The following GSDMA variants were observed in gnomAD, a reference collection of about 807,000 sequenced individuals.
The protein encoded by GSDMA is gasdermin-A.
Under a neutral mutation model 54.3 loss-of-function variants are expected in GSDMA, and 55 were observed. That is an observed-to-expected ratio of 1.01 (90% CI 0.82 to 1.27). The LOEUF (loss-of-function observed/expected upper bound fraction) is 1.27, where lower values mean the gene tolerates loss of function less well. Among genes scored for constraint, GSDMA ranks in the 50% most tolerant of loss-of-function variants. The pLI is 0.00. For synonymous variants in GSDMA, 211 were observed against 224.7 expected (o/e 0.94, Z 0.54); for missense variants, 542 against 542.6 (o/e 1.00, Z 0.01).
At chr17:39,972,740 C>G in intron 7 of GSDMA, 127 bp downstream of exon 7, 1 of 865,878 alleles carries the variant, frequency 1.2e-6, no homozygotes, top group South Asian at 1.5e-5. Context: ...TAATTGTCCC[C>G]GAAACATGGC....
chr17:39,973,034 C>T (rs1294459392), intron 7 of GSDMA, among the ~76,000 whole-genome samples: 4 of 151,982 alleles, frequency 2.6e-5, no homozygotes. Context: ...TGTAGTGGCG[C>T]AATCTCAGTC....
At chr17:39,969,719 T>A (rs1371030009) in intron 3 of GSDMA, among the ~76,000 whole-genome samples, 3 of 152,094 alleles carry the variant, frequency 2.0e-5, no homozygotes, top group African/African-American at 7.2e-5. Flanking sequence ...CCGGGCATGG[T>A]GGCTCACATC....
In GSDMA at chr17:39,971,523, G is replaced by A; in HGVS notation, c.559-1G>A. Reference sequence around the variant, plus strand: ...CACAAATTCTCATTGTCTAATTCTAGGGATCCATAAATCACAAGGAGGCTG... The same window carrying A: ...CACAAATTCTCATTGTCTAATTCTAAGGATCCATAAATCACAAGGAGGCTG... On this transcript the variant is annotated splice_acceptor_variant, in intron 4 of 11. Coordinates refer to ENST00000301659, the MANE Select transcript of GSDMA (RefSeq NM_178171.5). LOFTEE classifies it high-confidence loss of function. The A allele has an allele frequency of 2.5e-6, 4 of 1,610,318 alleles. No homozygotes were observed. Among genetic ancestry groups the A allele is most frequent in the Non-Finnish European group, 3.4e-6 (4 of 1,176,712 alleles).
chr17:39,968,366 G>A (rs372772392), intron 3 of GSDMA, among the ~76,000 whole-genome samples: 361 of 4,332 alleles, frequency 0.083, 3 homozygotes, highest in Middle Eastern at 0.44. Flanking sequence ...TTTTTTTTTT[G>A]AGACGGAGTC....
rs1398767304 is a variant in GSDMA, at chr17:39,965,570, C to T, written c.-5-113C>T. The T allele has an allele frequency of 9.8e-6, 7 of 717,756 alleles. No homozygotes were observed. In the East Asian group the frequency reaches 1.9e-4, roughly 19 times the overall value. 44.5% of individuals were successfully genotyped at this position (717,756 alleles called of 1,614,324 possible). A position where few individuals can be genotyped will look rare whatever the true frequency, so the allele number is the denominator to read the frequency against. On this transcript the variant is annotated intron_variant, in intron 1 of 11. Coordinates refer to ENST00000301659, the MANE Select transcript of GSDMA (RefSeq NM_178171.5). ...GACAATCCAGGCATCTCTAAGAGCT[C>T]CTCCTGCCTCAGAGCCGGGTAAACT...
intron 3 of GSDMA, among the ~76,000 whole-genome samples, chr17:39,969,728 T>G (rs1004115200): frequency 2.0e-5 from 3 of 151,874 alleles, no homozygotes; most frequent in African/African-American, 7.3e-5. Context: ...GTGGCTCACA[T>G]CTGTAATCCC....
At chr17:39,974,196 G>A (rs958641626) in intron 8 of GSDMA, 77 bp from the exon 9 acceptor site, 3 of 1,427,848 alleles carry the variant, frequency 2.1e-6, no homozygotes, top group African/African-American at 2.9e-5. Context: ...CTGAGTGTAG[G>A]AGCCCTGCAG....
At chr17:39,969,839 G>A (rs1354986537) in intron 3 of GSDMA, among the ~76,000 whole-genome samples, 1 of 151,652 alleles carries the variant, frequency 6.6e-6, no homozygotes, top group Non-Finnish European at 1.5e-5. Flanking sequence ...GGGTGACAGA[G>A]TGAGTGAGAC....
rs745780311 is a variant in GSDMA at position 39,975,905 on chromosome 17, C to T, written c.1022-19C>T. 71 of 1,574,938 alleles carry T rather than the reference C, an allele frequency of 4.5e-5. No homozygotes were observed. The highest frequency in any genetic ancestry group is 1.8e-4 in the Admixed American group (10 of 54,672). The stretch of plus-strand genomic sequence containing the variant: ...CTCTGCACCAGCAACACACATCTTT[C>T]TCTGCTTTTTTTCTCCAGAGCTAAG... On this transcript the variant is annotated intron_variant, in intron 10 of 11. Coordinates refer to ENST00000301659, the MANE Select transcript of GSDMA (RefSeq NM_178171.5).
chr17:39,972,103 C>CCCCA, intron 5 of GSDMA, 26 bp from the exon 6 acceptor site: 1 of 728,558 alleles, frequency 1.4e-6, no homozygotes, highest in Non-Finnish European at 2.4e-6. Context: ...AGTGTCCTCC[C>CCCCA]ACCCTCCCTC....
chr17:39,963,412 C>A (rs780589406), intron 1 of GSDMA, among the ~76,000 whole-genome samples: 18 of 152,050 alleles, frequency 1.2e-4, no homozygotes, highest in Non-Finnish European at 1.8e-4. Flanking sequence ...TCCTGCCCCC[C>A]CTGCTGCTGT....
Position 39,974,283 on chromosome 17 carries a change from C to T in GSDMA, c.762C>T (p.His254=), listed in dbSNP as rs766672278. The change falls in exon 9 of 12, where the codon CAC becomes CAT. Residue 254 remains histidine (H), a synonymous_variant. Coordinates refer to ENST00000301659, the MANE Select transcript of GSDMA (RefSeq NM_178171.5). ...LIQASDVGDV[H]EGFRTLKEEV... ...TTATTGTCCCCATAGGGGACGTACA[C>T]GAAGGCTTCAGGACACTAAAAGAAG... 3.7e-5 allele frequency: 59 copies of T among 1,610,116 alleles called. No individual in the cohort carries two copies. The highest frequency in any genetic ancestry group is 1.1e-4 in the South Asian group (10 of 90,162).
At position 39,977,110 on chromosome 17, in the gene GSDMA, G is replaced by A; in HGVS notation, c.*52G>A. 1.2e-6 allele frequency: 2 copies of A among 1,601,004 alleles called. No homozygotes were observed. The highest frequency in any genetic ancestry group is 1.7e-6 in the Non-Finnish European group (2 of 1,171,784). ...TCCCTAATGCCTTCCCAACCTCGTG[G>A]TGCTGTGTCCTTACCACCTAAGGGC... is the stretch of plus-strand genomic sequence containing the variant. On this transcript the variant is annotated 3_prime_UTR_variant, in exon 12 of 12. Coordinates refer to ENST00000301659, the MANE Select transcript of GSDMA (RefSeq NM_178171.5).
intron 1 of GSDMA, among the ~76,000 whole-genome samples, chr17:39,963,683 G>A (rs1347675027): frequency 7.2e-5 from 11 of 152,098 alleles, no homozygotes; most frequent in African/African-American, 2.2e-4. Context: ...GTGAAACACC[G>A]TCTCTACTAA....
intron 3 of GSDMA, 139 bp from the exon 4 acceptor site, chr17:39,970,343 C>A: frequency 5.8e-6 from 4 of 688,362 alleles, no homozygotes; most frequent in Non-Finnish European, 2.2e-6. Flanking sequence ...TGGGTTTCAA[C>A]CTCAGCCCTA....
chr17:39,977,188 T>C lies in GSDMA; in HGVS notation c.*130T>C, dbSNP rs1980238620. On this transcript the variant is annotated 3_prime_UTR_variant, in exon 12 of 12. Transcript: ENST00000301659. Reference sequence around the variant, plus strand: ...TGAAATCTCAGCTGGTCACCCATGATAACCAACTTCCACCTGCCCAACCAT... The same window carrying C: ...TGAAATCTCAGCTGGTCACCCATGACAACCAACTTCCACCTGCCCAACCAT... The C allele has an allele frequency of 3.3e-5, 37 of 1,134,306 alleles. No individual in the cohort carries two copies. Among genetic ancestry groups the C allele is most frequent in the Non-Finnish European group, 4.6e-5 (36 of 790,308 alleles). The allele number at this position is 1,134,306 out of a possible 1,614,324, so 70.3% of individuals were successfully genotyped here. A position where few individuals can be genotyped will look rare whatever the true frequency, so the allele number is the denominator to read the frequency against.
chr17:39,976,015 G>T lies in GSDMA; in HGVS notation c.1095+18G>T, dbSNP rs1371209340. The T allele has an allele frequency of 6.4e-7, 1 of 1,563,316 alleles. No homozygotes were observed. The stretch of plus-strand genomic sequence containing the variant: ...TAAAGCTGGTGAGGGAAAAACAGCA[G>T]ATGCTGGGGAGAGTCTGGGAGTAGC... On this transcript the variant is annotated intron_variant, in intron 11 of 11. Coordinates refer to ENST00000301659, the MANE Select transcript of GSDMA (RefSeq NM_178171.5).
chr17:39,967,344 G>T (rs966709118), intron 3 of GSDMA, among the ~76,000 whole-genome samples: 5 of 152,182 alleles, frequency 3.3e-5, no homozygotes, highest in African/African-American at 1.2e-4. Flanking sequence ...TCTGTTTTGG[G>T]CCTTGAAAGA....
Position 39,974,424 on chromosome 17 carries a change from C to A in GSDMA, c.903C>A (p.Leu301=). ...GKKKELQDLE[L]ALEGALDKGH... ...AAAAGGAGCTACAAGACCTTGAGCT[C>A]GCAGTGAGGACCTAGTGGAAGTGGG... Residue 301 remains leucine, a synonymous_variant, in exon 9 of 12, where the codon CTC becomes CTA. Transcript: ENST00000301659. The A allele has an allele frequency of 6.3e-7, 1 of 1,576,072 alleles. No individual in the cohort carries two copies. The highest frequency in any genetic ancestry group is 8.6e-7 in the Non-Finnish European group (1 of 1,161,134).
Sources: gnomAD v4.1 joint callset for allele counts (sites outside exome capture counted in the v4.1 genomes callset) on GRCh38, gnomAD v4.1.1 for gene constraint, MANE v1.5 for transcripts, NCBI Gene and HGNC (gene_info 2026-07-23, HGNC 2026-07-21) for gene names.